The following R3HDM2 variants were observed in gnomAD, a reference collection of about 807,000 sequenced individuals.
R3HDM2 encodes the protein R3H domain containing 2.
In R3HDM2, 38 loss-of-function variants were observed where a neutral mutation model predicts 124.5. The ratio of observed to expected loss-of-function variants is 0.31; its 90% CI spans 0.24 to 0.40. The LOEUF (loss-of-function observed/expected upper bound fraction) is 0.40, where lower values mean the gene tolerates loss of function less well. Ranked by LOEUF, R3HDM2 falls within the 10% of genes least tolerant of loss-of-function variation. The pLI, the probability that R3HDM2 is intolerant of heterozygous loss-of-function variation, is 1.00. For missense variants in R3HDM2, 869 were observed against 1,236.9 expected (o/e 0.70, Z 4.46); for synonymous variants, 391 against 448.0 (o/e 0.87, Z 1.61).
intron 9 of R3HDM2, among the ~76,000 whole-genome samples, chr12:57,295,862 TA>T (rs767695775): frequency 6.6e-6 from 1 of 152,124 alleles, no homozygotes; most frequent in African/African-American, 2.4e-5. Flanking sequence ...GCAAAATACT[TA>T]AAAAAATTTT....
intron 14 of R3HDM2, among the ~76,000 whole-genome samples, chr12:57,274,126 T>C (rs1414227679): frequency 1.3e-5 from 2 of 152,136 alleles, no homozygotes; most frequent in East Asian, 3.9e-4. Flanking sequence ...CTTCATTCTT[T>C]TGGAGGAGAG....
chr12:57,323,822 C>T (rs2056847522), intron 2 of R3HDM2, among the ~76,000 whole-genome samples: 2 of 152,132 alleles, frequency 1.3e-5, no homozygotes, highest in African/African-American at 2.4e-5. Flanking sequence ...TAAAGTGGAA[C>T]AGAACAAACC....
At chr12:57,408,767 T>G (rs2068751221) in intron 1 of R3HDM2, among the ~76,000 whole-genome samples, 1 of 151,860 alleles carries the variant, frequency 6.6e-6, no homozygotes, top group South Asian at 2.1e-4. Context: ...TGATGATCCA[T>G]GAGAGTTCCA....
intron 4 of R3HDM2, among the ~76,000 whole-genome samples, chr12:57,302,346 G>C (rs2051392012): frequency 6.6e-6 from 1 of 151,882 alleles, no homozygotes; most frequent in African/African-American, 2.4e-5. Flanking sequence ...CACTTTGTGG[G>C]GCTGAGACGG....
chr12:57,315,803 C>A (rs1047404882), intron 2 of R3HDM2, among the ~76,000 whole-genome samples: 28 of 152,202 alleles, frequency 1.8e-4, no homozygotes, highest in Admixed American at 1.8e-3. Flanking sequence ...AAAACAGACT[C>A]ATTTAACTAC....
At chr12:57,266,633 C>T (rs1261892739) in intron 19 of R3HDM2, 98 bp downstream of exon 19, 2 of 930,520 alleles carry the variant, frequency 2.1e-6, no homozygotes, top group Non-Finnish European at 3.4e-6. Flanking sequence ...AGACCCAATA[C>T]CTGAACTCTT....
intron 2 of R3HDM2, among the ~76,000 whole-genome samples, chr12:57,357,652 T>C (rs2061449433): frequency 6.6e-6 from 1 of 151,806 alleles, no homozygotes; most frequent in South Asian, 2.1e-4. Flanking sequence ...TGATTTTTTT[T>C]TTTTTTTTTT....
chr12:57,402,167 C>A (rs189743616), intron 1 of R3HDM2, among the ~76,000 whole-genome samples: 1 of 151,196 alleles, frequency 6.6e-6, no homozygotes, highest in South Asian at 2.1e-4. Context: ...TGGTGACAGG[C>A]GCCTGTAATC....
chr12:57,335,165 T>A (rs1223764144), intron 2 of R3HDM2, among the ~76,000 whole-genome samples: 1 of 151,488 alleles, frequency 6.6e-6, no homozygotes, highest in Non-Finnish European at 1.5e-5. Context: ...ACATATATTT[T>A]TTCATATATA....
In R3HDM2 at chr12:57,396,862, C is replaced by T. The variant is rs146236733; in HGVS notation, c.-105-1044G>A. ...AGCACTTTACTTTGGGAGGCCAAAG[C>T]AGGTGGATCACCTACTGTTAAAAGT... On this transcript the variant is annotated intron_variant, in intron 1 of 23. Coordinates refer to ENST00000402412, the MANE Select transcript of R3HDM2 (RefSeq NM_001394031.1). 5.7e-3 allele frequency among the ~76,000 whole-genome samples: 862 copies of T among 151,846 alleles called. 7 individuals carry two copies. Among genetic ancestry groups the T allele is most frequent in the African/African-American group, 0.02 (816 of 41,384 alleles).
At chr12:57,387,385 G>A (rs2138563205) in intron 2 of R3HDM2, among the ~76,000 whole-genome samples, 1 of 152,080 alleles carries the variant, frequency 6.6e-6, no homozygotes, top group East Asian at 1.9e-4. Context: ...GCATCAGAAG[G>A]AACAAACTCC....
At chr12:57,357,484 G>C (rs1408418747) in intron 2 of R3HDM2, among the ~76,000 whole-genome samples, 7 of 151,702 alleles carry the variant, frequency 4.6e-5, no homozygotes, top group Non-Finnish European at 7.4e-5. Context: ...AAAAGGAATG[G>C]TTCATGATAT....
At chr12:57,304,154 G>A (rs1465494777) in intron 3 of R3HDM2, among the ~76,000 whole-genome samples, 2 of 152,062 alleles carry the variant, frequency 1.3e-5, no homozygotes, top group African/African-American at 4.8e-5. Flanking sequence ...TGAGTTATCA[G>A]GATACAAAGA....
At chr12:57,303,084 A>G (rs911291639) in intron 4 of R3HDM2, 92 bp downstream of exon 4, 1 of 1,249,598 alleles carries the variant, frequency 8.0e-7, no homozygotes, top group Admixed American at 2.1e-5. Context: ...CTCTGCCTAC[A>G]TAATTTGAAC....
chr12:57,416,929 G>A (rs886321601), intron 1 of R3HDM2, among the ~76,000 whole-genome samples: 1 of 151,762 alleles, frequency 6.6e-6, no homozygotes, highest in Non-Finnish European at 1.5e-5. Context: ...GGCCAACATG[G>A]TGAAACCCCA....
chr12:57,316,307 C>T (rs2055008011), intron 2 of R3HDM2, among the ~76,000 whole-genome samples: 1 of 152,196 alleles, frequency 6.6e-6, no homozygotes, highest in Non-Finnish European at 1.5e-5. Context: ...GAGACCTTAT[C>T]CCCAATCCCT....
In R3HDM2 at chr12:57,256,354, C is replaced by T. The variant is rs1032441156; in HGVS notation, c.2547+60G>A. 4 of 1,374,400 alleles carry T rather than the reference C, an allele frequency of 2.9e-6. No individual in the cohort carries two copies. In the African/African-American group the frequency reaches 4.4e-5, roughly 15 times the overall value. The allele number at this position is 1,374,400 out of a possible 1,614,324, so 85.1% of individuals were successfully genotyped here. On this transcript the variant is annotated intron_variant, in intron 22 of 23. Transcript: ENST00000402412. The stretch of plus-strand genomic sequence containing the variant: ...TACCCAGCTGGTTGAAGCTCAGACA[C>T]AGGCACCCAAATAAGAAGAGGGGTC...
At chr12:57,286,815 T>A (rs929622542) in intron 12 of R3HDM2, among the ~76,000 whole-genome samples, 11 of 151,732 alleles carry the variant, frequency 7.2e-5, no homozygotes, top group Admixed American at 2.0e-4. Context: ...GAGGCGGAGG[T>A]TGCGGTGAGC....
intron 2 of R3HDM2, among the ~76,000 whole-genome samples, chr12:57,363,077 C>T (rs1162783310): frequency 6.6e-6 from 1 of 152,204 alleles, no homozygotes; most frequent in East Asian, 1.9e-4. Flanking sequence ...CCCACCTTGG[C>T]CTCCCAAAGT....
Sources: allele counts gnomAD v4.1 joint callset (sites outside exome capture counted in the v4.1 genomes callset), GRCh38; gene constraint gnomAD v4.1.1; transcripts MANE v1.5; gene names NCBI Gene and HGNC (gene_info 2026-07-23, HGNC 2026-07-21).